STARD9: variants seen among roughly 807,000 people sequenced by gnomAD.
The protein encoded by STARD9 is stAR-related lipid transfer protein 9.
STARD9 carries 346 observed loss-of-function variants against 399.8 expected under a neutral mutation model. The ratio of observed to expected loss-of-function variants is 0.87; its 90% CI spans 0.79 to 0.95. The LOEUF (loss-of-function observed/expected upper bound fraction) is 0.95. Among genes scored for constraint, STARD9 ranks in the 40% least tolerant of loss-of-function variants. The probability of loss-of-function intolerance (pLI) is 0.00; values close to 1 mark genes in which losing one functional copy is unlikely to be tolerated. For synonymous variants in STARD9, 2,203 were observed against 2,143.5 expected (o/e 1.03, Z -0.77); for missense variants, 5,832 against 5,667.5 (o/e 1.03, Z -0.93).
rs141857518 is a variant in STARD9 at position 42,585,108 on chromosome 15, C to T, written c.118-413C>T. Among the ~76,000 whole-genome samples the T allele has an allele frequency of 4.3e-4, 65 of 152,162 alleles. No individual in the cohort carries two copies. In the East Asian group the frequency reaches 0.012, roughly 29 times the overall value. ...ATTTCATGTTTAGACTTGGATTCAC[C>T]CCCAAGATATTATGTATATGCAAAT... is the stretch of plus-strand genomic sequence containing the variant. On this transcript the variant is annotated intron_variant, in intron 2 of 32. Transcript: ENST00000290607.
intron 26 of STARD9, among the ~76,000 whole-genome samples, chr15:42,713,168 AT>A (rs2140401540): frequency 6.6e-6 from 1 of 152,316 alleles, no homozygotes; most frequent in East Asian, 1.9e-4. Flanking sequence ...TATTAAACTT[AT>A]TCGTAAGTAT....
intron 3 of STARD9, among the ~76,000 whole-genome samples, chr15:42,598,583 T>A (rs1262826594): frequency 6.6e-6 from 1 of 152,136 alleles, no homozygotes; most frequent in African/African-American, 2.4e-5. Flanking sequence ...CTGAATACTA[T>A]TAGTTCATCT....
chr15:42,696,312 A>G (rs2060845880), intron 26 of STARD9, among the ~76,000 whole-genome samples: 1 of 152,256 alleles, frequency 6.6e-6, no homozygotes, highest in South Asian at 2.1e-4. Context: ...CTAAAAGGAT[A>G]AGAGGTAGTT....
At chr15:42,665,722 A>C (rs1051972721) in intron 14 of STARD9, 64 bp from the exon 15 acceptor site, 3 of 1,324,038 alleles carry the variant, frequency 2.3e-6, no homozygotes, top group African/African-American at 2.9e-5. Flanking sequence ...CACAAGTGTA[A>C]GGGTGGGACC....
Position 42,689,516 on chromosome 15 carries a change from C to T in STARD9, c.7938C>T (p.Ser2646=), listed in dbSNP as rs1301528266. 6.5e-7 allele frequency: 1 copy of T among 1,537,280 alleles called. No homozygotes were observed. Residue 2646 remains serine, a synonymous_variant, in exon 23 of 33, where the codon AGC becomes AGT. Transcript: ENST00000290607. The part of the protein sequence containing the change: ...KVQATSLSAD[S]FESLPNTETD... ...AGGCCACATCTCTGTCTGCAGACAG[C>T]TTTGAATCTCTGCCCAATACGGAAA... is the stretch of plus-strand genomic sequence containing the variant.
At chr15:42,704,341 A>G (rs1405206042) in intron 26 of STARD9, among the ~76,000 whole-genome samples, 4 of 152,308 alleles carry the variant, frequency 2.6e-5, no homozygotes, top group East Asian at 1.9e-4. Context: ...ATACTTCTCA[A>G]TCTCTTCAGG....
chr15:42,595,152 G>A (rs564081478), intron 3 of STARD9, among the ~76,000 whole-genome samples: 1 of 152,250 alleles, frequency 6.6e-6, no homozygotes, highest in Middle Eastern at 3.4e-3. Context: ...AAACTGAGGA[G>A]GGACCTTTGA....
At chr15:42,621,312 A>G (rs1366691462) in intron 3 of STARD9, among the ~76,000 whole-genome samples, 1 of 152,138 alleles carries the variant, frequency 6.6e-6, no homozygotes, top group Admixed American at 6.6e-5. Context: ...TCTGTGATCC[A>G]TGGTTATATT....
chr15:42,644,607 TTAG>T (rs1482829296), intron 7 of STARD9, among the ~76,000 whole-genome samples: 1 of 152,216 alleles, frequency 6.6e-6, no homozygotes, highest in Non-Finnish European at 1.5e-5. Context: ...GGATTTTTTC[TTAG>T]TGATGATGGC....
At chr15:42,663,971 A>AT (rs941492121) in intron 13 of STARD9, 54 bp downstream of exon 13, 2,673 of 1,206,272 alleles carry the variant, frequency 2.2e-3, no homozygotes, top group Non-Finnish European at 2.6e-3. Context: ...AGCTTTCCTT[A>AT]TTTTTTTTTC....
rs1240102279 is a variant in STARD9, at chr15:42,634,843, TTTG to T, written c.235-7_235-5del. 7.1e-7 allele frequency: 1 copy of T among 1,415,006 alleles called. No individual in the cohort carries two copies. The highest frequency in any genetic ancestry group is 1.4e-5 in the African/African-American group (1 of 70,570). 87.7% of individuals were successfully genotyped at this position (1,415,006 alleles called of 1,614,324 possible). A position where few individuals can be genotyped will look rare whatever the true frequency, so the allele number is the denominator to read the frequency against. On this transcript the variant is annotated splice_polypyrimidine_tract_variant and intron_variant, in intron 3 of 32. Coordinates refer to ENST00000290607, the MANE Select transcript of STARD9 (RefSeq NM_020759.3). ...GGACCACAGTGATATTTCCTCTGCT[TTTG>T]TTGTTACAGGTTTTCCAGGATTTAG...
intron 3 of STARD9, among the ~76,000 whole-genome samples, chr15:42,611,886 A>G (rs2058856763): frequency 6.6e-6 from 1 of 152,200 alleles, no homozygotes; most frequent in Non-Finnish European, 1.5e-5. Flanking sequence ...AACAGTAACT[A>G]TAAGAGACTA....
rs375342294 is a variant in STARD9, at chr15:42,664,778, GTTTATCC to G, written c.1177-470_1177-464del. Among the ~76,000 whole-genome samples, 5 of 144,668 alleles carry G rather than the reference GTTTATCC, an allele frequency of 3.5e-5. No homozygotes were observed. In the East Asian group the frequency reaches 9.9e-4, roughly 29 times the overall value. 94.9% of individuals were successfully genotyped at this position (144,668 alleles called of 152,430 possible). A position where few individuals can be genotyped will look rare whatever the true frequency, so the allele number is the denominator to read the frequency against. ...AGAGTGTATGAATTCATTGGTTTTT[GTTTATCC>G]TTTAACACACACACACACACACACA... On this transcript the variant is annotated intron_variant, in intron 13 of 32. Transcript: ENST00000290607.
At position 42,688,054 on chromosome 15, in the gene STARD9, G is replaced by C. The variant is rs764748621; in HGVS notation, c.6476G>C (p.Arg2159Pro). ...CCCTTCAGGTCAAGGGAAGGTGTAC[G>C]AGAGAGTGAACCTGTGAGAGAGCAC... ...PNPFRSREGV[R>P]ESEPVREHTH... Residue 2159 changes from arginine (R) to proline (P), a missense_variant, in exon 23 of 33, where the codon CGA (arginine) becomes CCA (proline). Arg to Pro is a moderately radical substitution (Grantham distance 103). Transcript: ENST00000290607. The C allele has an allele frequency of 1.0e-5, 16 of 1,537,488 alleles. No individual in the cohort carries two copies. The East Asian group carries it at 3.9e-4, about 38-fold the overall frequency.
intron 3 of STARD9, among the ~76,000 whole-genome samples, chr15:42,618,998 T>G (rs920700060): frequency 6.6e-6 from 1 of 152,220 alleles, no homozygotes; most frequent in East Asian, 1.9e-4. Flanking sequence ...TGTAAATATT[T>G]ATTCTTTATA....
intron 15 of STARD9, among the ~76,000 whole-genome samples, chr15:42,668,776 G>C (rs766805543): frequency 6.6e-6 from 1 of 152,030 alleles, no homozygotes; most frequent in Non-Finnish European, 1.5e-5. Flanking sequence ...CCCAAGTATG[G>C]ATCATGTAAA....
chr15:42,712,220 A>C (rs1240809407), intron 26 of STARD9, among the ~76,000 whole-genome samples: 2 of 141,636 alleles, frequency 1.4e-5, no homozygotes, highest in African/African-American at 2.6e-5. Context: ...TGTCTTTTTA[A>C]GAGTCCCTTA....
rs2060684152 is a variant in STARD9, at chr15:42,691,083, A to G, written c.9505A>G (p.Arg3169Gly). 2 of 1,537,106 alleles carry G rather than the reference A, an allele frequency of 1.3e-6. No homozygotes were observed. Among genetic ancestry groups the G allele is most frequent in the Admixed American group, 3.9e-5 (2 of 50,988 alleles). The change falls in exon 23 of 33, where the codon AGA becomes GGA. Residue 3169 changes from arginine to glycine, a missense_variant. Arg to Gly is a moderately radical substitution (Grantham distance 125). This residue lies in a region of STARD9 where 5,828 missense variants were observed against 5,651.1 expected (regional missense o/e 1.03). Coordinates refer to ENST00000290607, the MANE Select transcript of STARD9 (RefSeq NM_020759.3). ...PQHECLENTT[R>G]CFLEKPQFST... ...GCATGAATGTTTAGAAAATACCACT[A>G]GATGTTTTTTGGAAAAGCCACAATT...
At position 42,626,561 on chromosome 15, in the gene STARD9, C is replaced by T. The variant is rs548861293; in HGVS notation, c.235-8295C>T. 1.7e-4 allele frequency among the ~76,000 whole-genome samples: 26 copies of T among 150,422 alleles called. No individual in the cohort carries two copies. The East Asian group carries it at 2.0e-3, about 11-fold the overall frequency. ...TGTTGCCCAGGCTGGAGCGCAGTGGCGCGATTTCGGCTCACTGCAGCCTCC... is the reference window on the plus strand; with the variant it reads ...TGTTGCCCAGGCTGGAGCGCAGTGGTGCGATTTCGGCTCACTGCAGCCTCC... On this transcript the variant is annotated intron_variant, in intron 3 of 32. Coordinates refer to ENST00000290607, the MANE Select transcript of STARD9 (RefSeq NM_020759.3).
Sources: allele counts gnomAD v4.1 joint callset (sites outside exome capture counted in the v4.1 genomes callset), GRCh38; gene constraint gnomAD v4.1.1; regional missense constraint gnomAD v4.1.1; transcripts MANE v1.5; gene names NCBI Gene and HGNC (gene_info 2026-07-23, HGNC 2026-07-21).